The following DCDC2 variants were observed in gnomAD, a reference collection of about 807,000 sequenced individuals.
DCDC2 encodes the protein doublecortin domain containing 2.
DCDC2 carries 40 observed loss-of-function variants against 50.2 expected under a neutral mutation model. The observed-to-expected ratio is 0.80, with a 90% CI of 0.62 to 1.04. The LOEUF (loss-of-function observed/expected upper bound fraction) is 1.04. Among genes scored for constraint, DCDC2 ranks in the 50% least tolerant of loss-of-function variants. The probability of loss-of-function intolerance (pLI) is 0.00; values close to 1 mark genes in which losing one functional copy is unlikely to be tolerated. For missense variants in DCDC2, 570 were observed against 581.9 expected (o/e 0.98, Z 0.21); for synonymous variants, 234 against 210.6 (o/e 1.11, Z -0.96).
At chr6:24,282,584 A>C (rs1763501417) in intron 6 of DCDC2, among the ~76,000 whole-genome samples, 1 of 152,100 alleles carries the variant, frequency 6.6e-6, no homozygotes, top group African/African-American at 2.4e-5. Context: ...GGCTCTTTCC[A>C]ACTAGATCCA....
chr6:24,179,677 A>G (rs1319246303), intron 8 of DCDC2, among the ~76,000 whole-genome samples: 2 of 150,914 alleles, frequency 1.3e-5, no homozygotes, highest in East Asian at 2.0e-4. Flanking sequence ...ACAGGAGGCC[A>G]GGCACGGTGG....
chr6:24,181,855 C>T lies in DCDC2; in HGVS notation c.1024-3223G>A, dbSNP rs377291285. On this transcript the variant is annotated intron_variant, in intron 8 of 9. Transcript: ENST00000378454. The stretch of plus-strand genomic sequence containing the variant: ...TGGAATCTCAAGGGACCCTGAGTGG[C>T]CAAAACAACTTTGAAAAAGGACAAA... 6.6e-5 allele frequency among the ~76,000 whole-genome samples: 10 copies of T among 152,226 alleles called. 1 individual carries two copies. In the South Asian group the frequency reaches 1.9e-3, roughly 28 times the overall value.
chr6:24,270,441 C>T (rs1342406811), intron 7 of DCDC2, among the ~76,000 whole-genome samples: 1 of 152,050 alleles, frequency 6.6e-6, no homozygotes, highest in Admixed American at 6.6e-5. Context: ...CAATTGTCAC[C>T]ATAATATAGG....
chr6:24,340,578 A>C (rs1370023198), intron 2 of DCDC2, among the ~76,000 whole-genome samples: 5 of 152,202 alleles, frequency 3.3e-5, no homozygotes, highest in African/African-American at 1.2e-4. Context: ...TGGAAGATCT[A>C]AAACTAGCTA....
chr6:24,382,005 A>AGGCAGGCAGGCAGGC, the DCDC2 span, among the ~76,000 whole-genome samples: 11 of 103,958 alleles, frequency 1.1e-4, no homozygotes, highest in East Asian at 2.7e-3. Flanking sequence ...GGAAGGAAGG[A>AGGCAGGCAGGCAGGC]AGGAAGGCAG....
At chr6:24,324,970 A>G (rs1759832113) in intron 2 of DCDC2, among the ~76,000 whole-genome samples, 1 of 152,138 alleles carries the variant, frequency 6.6e-6, no homozygotes, top group Non-Finnish European at 1.5e-5. Flanking sequence ...TAGTTCAACT[A>G]CATCAAAGAC....
At chr6:24,361,022 CA>C (rs1760657216), upstream of DCDC2, among the ~76,000 whole-genome samples, 1 of 152,138 alleles carries the variant, frequency 6.6e-6, no homozygotes, top group South Asian at 2.1e-4. Context: ...CATAACCAGT[CA>C]TATCACTGTG....
intron 7 of DCDC2, among the ~76,000 whole-genome samples, chr6:24,241,040 G>A (rs1762552670): frequency 2.0e-5 from 3 of 152,180 alleles, no homozygotes; most frequent in Non-Finnish European, 1.5e-5. Flanking sequence ...TTGGTTGTAG[G>A]ATTCAAGAAT....
intron 7 of DCDC2, among the ~76,000 whole-genome samples, chr6:24,248,417 T>C (rs1762730367): frequency 2.0e-5 from 3 of 152,228 alleles, no homozygotes; most frequent in African/African-American, 7.2e-5. Flanking sequence ...TTCATGGCAC[T>C]GTTAAGAAAA....
intron 7 of DCDC2, among the ~76,000 whole-genome samples, chr6:24,256,924 G>A (rs1444936283): frequency 6.6e-6 from 1 of 152,124 alleles, no homozygotes; most frequent in Non-Finnish European, 1.5e-5. Context: ...CAGTTCTGGG[G>A]CCACTCAACC....
In DCDC2 at chr6:24,174,675, G is replaced by C; in HGVS notation, c.*55C>G. On this transcript the variant is annotated 3_prime_UTR_variant, in exon 10 of 10. Transcript: ENST00000378454. ...CAATAACTATGTGCTTATCTTTCAA[G>C]TATGATAACCCTTCATTTTTCTTGC... 1 of 1,225,588 alleles carries C rather than the reference G, an allele frequency of 8.2e-7. No homozygotes were observed. Among genetic ancestry groups the C allele is most frequent in the African/African-American group, 1.5e-5 (1 of 67,310 alleles). 75.9% of individuals were successfully genotyped at this position (1,225,588 alleles called of 1,614,324 possible).
At chr6:24,180,964 C>G (rs1420179394) in intron 8 of DCDC2, among the ~76,000 whole-genome samples, 4 of 152,182 alleles carry the variant, frequency 2.6e-5, no homozygotes. Flanking sequence ...GATTTAATTA[C>G]ATGATACCAA....
intron 2 of DCDC2, among the ~76,000 whole-genome samples, chr6:24,312,086 C>A (rs1279798706): frequency 6.6e-6 from 1 of 152,146 alleles, no homozygotes; most frequent in Non-Finnish European, 1.5e-5. Context: ...TTCTCCTGGA[C>A]AGTGAGTCTC....
At chr6:24,195,604 T>C (rs1021196584) in intron 8 of DCDC2, among the ~76,000 whole-genome samples, 5 of 152,152 alleles carry the variant, frequency 3.3e-5, no homozygotes, top group Non-Finnish European at 7.4e-5. Flanking sequence ...GAATTTTTTG[T>C]TGTGAAGACT....
At chr6:24,259,295 C>T (rs1049572494) in intron 7 of DCDC2, among the ~76,000 whole-genome samples, 1 of 152,006 alleles carries the variant, frequency 6.6e-6, no homozygotes, top group African/African-American at 2.4e-5. Context: ...ATAAAGAGGC[C>T]GTTGAGAATG....
chr6:24,343,980 T>C (rs1760208151), intron 2 of DCDC2, among the ~76,000 whole-genome samples: 1 of 152,228 alleles, frequency 6.6e-6, no homozygotes, highest in African/African-American at 2.4e-5. Context: ...AGTAGGAACA[T>C]TTAAAAACTC....
rs1056349487 is a variant in DCDC2 at position 24,178,647 on chromosome 6, G to A, written c.1024-15C>T. The A allele has an allele frequency of 6.2e-7, 1 of 1,602,854 alleles. No individual in the cohort carries two copies. Among genetic ancestry groups the A allele is most frequent in the African/African-American group, 1.3e-5 (1 of 74,538 alleles). On this transcript the variant is annotated splice_polypyrimidine_tract_variant and intron_variant, in intron 8 of 9. Transcript: ENST00000378454. ...TCTGCTGGCCTCTGATGGATCAAAA[G>A]GAATAATGGATAAAAGTAAGAAGCA...
intron 7 of DCDC2, among the ~76,000 whole-genome samples, chr6:24,248,545 TGG>T (rs1188287958): frequency 6.6e-6 from 1 of 152,218 alleles, no homozygotes; most frequent in Non-Finnish European, 1.5e-5. Flanking sequence ...TATCATTTTG[TGG>T]CACAATTTCC....
chr6:24,270,851 A>G (rs1406294614), intron 7 of DCDC2, among the ~76,000 whole-genome samples: 1 of 152,162 alleles, frequency 6.6e-6, no homozygotes, highest in African/African-American at 2.4e-5. Context: ...AAGCAGATAA[A>G]TCATGCTTCA....
Sources: allele counts gnomAD v4.1 joint callset (sites outside exome capture counted in the v4.1 genomes callset), GRCh38; gene constraint gnomAD v4.1.1; transcripts MANE v1.5; gene names NCBI Gene and HGNC (gene_info 2026-07-23, HGNC 2026-07-21).